GRAMD4: variants seen among roughly 807,000 people sequenced by gnomAD.
GRAMD4 encodes GRAM domain containing 4, also known as GRAM domain-containing protein 4.
In GRAMD4, 25 loss-of-function variants were observed where a neutral mutation model predicts 83.9. The ratio of observed to expected loss-of-function variants is 0.30; its 90% CI spans 0.22 to 0.42. The LOEUF (loss-of-function observed/expected upper bound fraction) is 0.42. Among genes scored for constraint, GRAMD4 ranks in the 10% least tolerant of loss-of-function variants. GRAMD4 has a pLI of 1.00. For synonymous variants in GRAMD4, 336 were observed against 320.9 expected (o/e 1.05, Z -0.50); for missense variants, 593 against 788.7 (o/e 0.75, Z 2.97).
At chr22:46,641,023 G>A (rs2081967953) in intron 3 of GRAMD4, among the ~76,000 whole-genome samples, 1 of 151,100 alleles carries the variant, frequency 6.6e-6, no homozygotes, top group Non-Finnish European at 1.5e-5. Flanking sequence ...TAGGGATCGA[G>A]CCGCTGCACT....
chr22:46,608,024 G>A (rs1269445399), intron 1 of GRAMD4, among the ~76,000 whole-genome samples: 1 of 152,192 alleles, frequency 6.6e-6, no homozygotes, highest in East Asian at 1.9e-4. Context: ...CGCCTCCTCT[G>A]TATCCTTGCG....
intron 2 of GRAMD4, among the ~76,000 whole-genome samples, chr22:46,636,817 C>T (rs543502428): frequency 2.7e-4 from 41 of 152,328 alleles, no homozygotes; most frequent in South Asian, 1.0e-3. Context: ...GGGTGTGGAA[C>T]GGCCGCCTGT....
chr22:46,626,670 C>T (rs1012858225), intron 1 of GRAMD4, 81 bp from the exon 2 acceptor site: 14 of 827,498 alleles, frequency 1.7e-5, no homozygotes, highest in Middle Eastern at 2.9e-4. Flanking sequence ...AAAGCTGGAC[C>T]GGCTGTGCCC....
At chr22:46,636,556 C>T (rs1048506245) in intron 2 of GRAMD4, among the ~76,000 whole-genome samples, 23 of 152,212 alleles carry the variant, frequency 1.5e-4, no homozygotes, top group African/African-American at 4.8e-4. Flanking sequence ...TGCAAGGAGC[C>T]GTTGCGGTGC....
At chr22:46,578,953 G>A (rs1287315123) in intron 1 of GRAMD4, among the ~76,000 whole-genome samples, 1 of 152,238 alleles carries the variant, frequency 6.6e-6, no homozygotes, top group African/African-American at 2.4e-5. Flanking sequence ...GGGAAATTGG[G>A]CACCTGGGGT....
rs530084374 is a variant in GRAMD4 at position 46,651,536 on chromosome 22, G to A, written c.284-6651G>A. 4.6e-4 allele frequency among the ~76,000 whole-genome samples: 70 copies of A among 152,302 alleles called. 1 individual carries two copies. Among genetic ancestry groups the A allele is most frequent in the South Asian group, 2.5e-3 (12 of 4,826 alleles). ...ATATCACACGCATCCTGGTGCACCC[G>A]GGCAGCCTCCCATCCCTGTGCGGCG... On this transcript the variant is annotated intron_variant, in intron 3 of 18. Coordinates refer to ENST00000406902, the MANE Select transcript of GRAMD4 (RefSeq NM_015124.5).
Position 46,651,105 on chromosome 22 carries a change from C to T in GRAMD4, c.284-7082C>T, listed in dbSNP as rs565731244. Reference sequence around the variant, plus strand: ...CTCGCTTTCCTTCCTGACAATGAGACGGCTGATGTGCCTTCCTAGGCATCG... The same window carrying T: ...CTCGCTTTCCTTCCTGACAATGAGATGGCTGATGTGCCTTCCTAGGCATCG... On this transcript the variant is annotated intron_variant, in intron 3 of 18. Transcript: ENST00000406902. Among the ~76,000 whole-genome samples, 17 of 152,206 alleles carry T rather than the reference C, an allele frequency of 1.1e-4. No homozygotes were observed. The South Asian group carries it at 1.4e-3, about 13-fold the overall frequency.
chr22:46,680,606 T>TCATCCATCCACCCACCCATC (rs2082659841), downstream of GRAMD4, among the ~76,000 whole-genome samples: 3 of 36,386 alleles, frequency 8.2e-5, no homozygotes, highest in African/African-American at 3.0e-4. Context: ...ACCCACCCAT[T>TCATCCATCCACCCACCCATC]CATCCATCCA....
chr22:46,589,614 G>C (rs951819578), intron 1 of GRAMD4, among the ~76,000 whole-genome samples: 2 of 152,098 alleles, frequency 1.3e-5, no homozygotes, highest in Admixed American at 6.5e-5. Flanking sequence ...GTGAGTAAGC[G>C]GGTGTCTGAG....
rs937956283 is a variant in GRAMD4 at position 46,668,546 on chromosome 22, C to G, written c.931-143C>G. On this transcript the variant is annotated intron_variant, in intron 11 of 18. Transcript: ENST00000406902. ...CTGCCCTAGACCAGAGCTGGGCCTT[C>G]CCCGGCCTAGGAGCAGCCGGGCAGG... The G allele has an allele frequency of 7.4e-6, 6 of 807,256 alleles. No homozygotes were observed. In the African/African-American group the frequency reaches 8.3e-5, roughly 11 times the overall value. 50.0% of individuals were successfully genotyped at this position (807,256 alleles called of 1,614,324 possible).
chr22:46,666,224 G>C (rs2082406742), intron 9 of GRAMD4, among the ~76,000 whole-genome samples: 1 of 152,218 alleles, frequency 6.6e-6, no homozygotes, highest in Non-Finnish European at 1.5e-5. Flanking sequence ...CCCTGTGGAG[G>C]CTGAGGGGGG....
At chr22:46,680,391 G>A (rs1453753561), downstream of GRAMD4, among the ~76,000 whole-genome samples, 1 of 151,972 alleles carries the variant, frequency 6.6e-6, no homozygotes, top group East Asian at 1.9e-4. Context: ...TGGAGGCAGA[G>A]ACCTCCCCAG....
At chr22:46,665,554 G>T (rs2082395442) in intron 8 of GRAMD4, 61 bp from the exon 9 acceptor site, 21 of 898,406 alleles carry the variant, frequency 2.3e-5, no homozygotes, top group Admixed American at 9.5e-5. Flanking sequence ...GAGGCGGGAG[G>T]GATGTGCCTT....
At chr22:46,605,111 G>C (rs1319530795) in intron 1 of GRAMD4, among the ~76,000 whole-genome samples, 1 of 146,168 alleles carries the variant, frequency 6.8e-6, no homozygotes, top group Non-Finnish European at 1.5e-5. Context: ...ATGTTCTCTG[G>C]GTTCACCCAG....
intron 3 of GRAMD4, among the ~76,000 whole-genome samples, chr22:46,647,807 G>A (rs948713723): frequency 5.3e-5 from 8 of 152,220 alleles, no homozygotes; most frequent in Admixed American, 1.3e-4. Flanking sequence ...AAGCCTTCCC[G>A]TCCTCTGCAC....
At chr22:46,663,705 G>C in intron 6 of GRAMD4, 133 bp from the exon 7 acceptor site, 1 of 846,756 alleles carries the variant, frequency 1.2e-6, no homozygotes, top group Non-Finnish European at 2.0e-6. Flanking sequence ...TGGCCATTCT[G>C]TGCACTCAAG....
intron 13 of GRAMD4, among the ~76,000 whole-genome samples, chr22:46,671,788 C>G (rs1198940508): frequency 1.3e-5 from 2 of 152,132 alleles, no homozygotes; most frequent in African/African-American, 4.8e-5. Flanking sequence ...GAGCTGAGAT[C>G]AAGCCATTGC....
upstream of GRAMD4, among the ~76,000 whole-genome samples, chr22:46,618,557 C>T (rs73176505): frequency 7.1e-3 from 1,085 of 152,182 alleles, 7 homozygotes; most frequent in Non-Finnish European, 0.01. The surrounding 1 kb of genome is among the most constrained non-coding windows in gnomAD (Gnocchi z 5.8). Context: ...GGGGAGCAGC[C>T]GTGTTGACCC....
rs117069213 is a variant in GRAMD4 at position 46,587,892 on chromosome 22, A to G, written c.-50+10602A>G. On this transcript the variant is annotated intron_variant, in intron 1 of 1. Coordinates refer to the GRAMD4 transcript ENST00000431155. ...GGCGTCGGGGTGGGGCCGCGGGAGG[A>G]TGGTACAGGGCTCCTGATCCTCCCC... 5.4e-4 allele frequency: 530 copies of G among 985,132 alleles called. 7 individuals are homozygous for G. The East Asian group carries it at 0.028, about 51-fold the overall frequency. The allele number at this position is 985,132 out of a possible 1,614,324, so 61.0% of individuals were successfully genotyped here. A position where few individuals can be genotyped will look rare whatever the true frequency, so the allele number is the denominator to read the frequency against.
Sources: gnomAD v4.1 joint callset for allele counts (sites outside exome capture counted in the v4.1 genomes callset) on GRCh38, gnomAD v4.1.1 for gene constraint, Gnocchi (gnomAD v3.1) non-coding constraint, MANE v1.5 for transcripts, NCBI Gene and HGNC (gene_info 2026-07-23, HGNC 2026-07-21) for gene names.